FGGY: variants seen among roughly 807,000 people sequenced by gnomAD.
FGGY encodes the protein FGGY carbohydrate kinase domain-containing protein.
Under a neutral mutation model 71.3 loss-of-function variants are expected in FGGY, and 72 were observed. That is an observed-to-expected ratio of 1.01 (90% CI 0.84 to 1.23). FGGY has a LOEUF of 1.23. Among genes scored for constraint, FGGY ranks in the 50% most tolerant of loss-of-function variants. The probability of loss-of-function intolerance (pLI) is 0.00; values close to 1 mark genes in which losing one functional copy is unlikely to be tolerated. For missense variants in FGGY, 668 were observed against 682.3 expected, an observed-to-expected ratio of 0.98 and a Z score of 0.23; for synonymous variants, 251 against 250.3, an observed-to-expected ratio of 1.00 and a Z score of -0.02.
At chr1:59,379,144 G>A (rs2059051552) in intron 5 of FGGY, among the ~76,000 whole-genome samples, 1 of 105,914 alleles carries the variant, frequency 9.4e-6, no homozygotes, top group Non-Finnish European at 2.0e-5. Context: ...TTTACATGAT[G>A]AATAAAAGGA....
At chr1:59,374,450 T>C (rs540934955) in intron 4 of FGGY, among the ~76,000 whole-genome samples, 22 of 152,298 alleles carry the variant, frequency 1.4e-4, no homozygotes, top group Middle Eastern at 3.4e-3. Flanking sequence ...TTTTACACTG[T>C]TGTTGGGACT....
Position 59,346,051 on chromosome 1 carries a change from A to G in FGGY, c.314-196A>G, listed in dbSNP as rs141420297. 2.0e-5 allele frequency among the ~76,000 whole-genome samples: 3 copies of G among 152,210 alleles called. No homozygotes were observed. The East Asian group carries it at 5.8e-4, about 29-fold the overall frequency. On this transcript the variant is annotated intron_variant, in intron 3 of 15. Transcript: ENST00000303721. ...TTCTAAGGTCATGGTCAGAGAACAC[A>G]TGACTGGACGGGAAATTCCAGGCCT...
At chr1:59,323,770 T>C (rs1266438728) in intron 2 of FGGY, among the ~76,000 whole-genome samples, 2 of 152,212 alleles carry the variant, frequency 1.3e-5, no homozygotes, top group Non-Finnish European at 2.9e-5. Flanking sequence ...ATTAAATGAA[T>C]TAATGCACAT....
chr1:59,668,410 A>G (rs1434377222), intron 13 of FGGY, among the ~76,000 whole-genome samples: 1 of 152,154 alleles, frequency 6.6e-6, no homozygotes, highest in Non-Finnish European at 1.5e-5. Flanking sequence ...TCCCAACTCC[A>G]GCCTGATAAG....
chr1:59,659,980 A>G (rs1183158450), intron 11 of FGGY, among the ~76,000 whole-genome samples: 1 of 152,140 alleles, frequency 6.6e-6, no homozygotes, highest in Non-Finnish European at 1.5e-5. Flanking sequence ...TTCCTGTGGT[A>G]TTTGTTTTGT....
chr1:59,375,434 A>G lies in FGGY; in HGVS notation c.466-3315A>G, dbSNP rs1314491403. Among the ~76,000 whole-genome samples, 56 of 152,178 alleles carry G rather than the reference A, an allele frequency of 3.7e-4. 1 individual carries two copies. The highest frequency in any genetic ancestry group is 8.8e-5 in the Non-Finnish European group (6 of 68,040). On this transcript the variant is annotated intron_variant, in intron 4 of 15. Transcript: ENST00000303721. The stretch of plus-strand genomic sequence containing the variant: ...CAGACTTTTCTTTTGTAGAGAAAGC[A>G]GGGAATATTGCTATCTTCCCTTCTG...
intron 5 of FGGY, among the ~76,000 whole-genome samples, chr1:59,438,567 G>A (rs17119452): frequency 0.012 from 1,815 of 152,268 alleles, 55 homozygotes; most frequent in African/African-American, 0.041. Flanking sequence ...CTTGTTAGCT[G>A]TTCTTCCACC....
chr1:59,703,497 C>A (rs1428601906), intron 14 of FGGY, among the ~76,000 whole-genome samples: 1 of 152,214 alleles, frequency 6.6e-6, no homozygotes, highest in Non-Finnish European at 1.5e-5. Context: ...ACTCCAAATC[C>A]AGTGTTCTTT....
At chr1:59,332,804 C>T (rs1381544417) in intron 2 of FGGY, among the ~76,000 whole-genome samples, 1 of 152,160 alleles carries the variant, frequency 6.6e-6, no homozygotes, top group Non-Finnish European at 1.5e-5. Flanking sequence ...TGAGTCTATC[C>T]AATTTTTTCT....
intron 2 of FGGY, among the ~76,000 whole-genome samples, chr1:59,336,400 A>G (rs974539888): frequency 6.6e-5 from 10 of 152,104 alleles, no homozygotes; most frequent in African/African-American, 1.9e-4. Context: ...GTCAGATAGC[A>G]TATATTTTCC....
chr1:59,736,082 AG>A (rs1453233228), intron 14 of FGGY, among the ~76,000 whole-genome samples: 1 of 152,146 alleles, frequency 6.6e-6, no homozygotes, highest in Non-Finnish European at 1.5e-5. Context: ...CAGTATTATA[AG>A]GGGGAATTTC....
intron 14 of FGGY, among the ~76,000 whole-genome samples, chr1:59,721,141 G>A (rs2097888730): frequency 6.6e-6 from 1 of 151,870 alleles, no homozygotes; most frequent in African/African-American, 2.4e-5. Context: ...ACCATTCTCT[G>A]TCCCCCTTGC....
chr1:59,515,668 C>T (rs994271193), intron 7 of FGGY, among the ~76,000 whole-genome samples: 6 of 152,182 alleles, frequency 3.9e-5, no homozygotes, highest in South Asian at 2.1e-4. Context: ...TAGTAAGTCT[C>T]ACAAGATCTG....
chr1:59,349,321 TG>T (rs2052769884), intron 4 of FGGY, among the ~76,000 whole-genome samples: 1 of 152,200 alleles, frequency 6.6e-6, no homozygotes, highest in African/African-American at 2.4e-5. Context: ...TCAACAAGTT[TG>T]GATTGGATAT....
intron 5 of FGGY, among the ~76,000 whole-genome samples, chr1:59,384,560 C>G (rs74373277): frequency 6.6e-6 from 1 of 152,108 alleles, no homozygotes; most frequent in Admixed American, 6.6e-5. Flanking sequence ...AAGGTATTAG[C>G]GATTTCATTT....
intron 7 of FGGY, among the ~76,000 whole-genome samples, chr1:59,522,844 C>T (rs1328843020): frequency 6.6e-6 from 1 of 152,132 alleles, no homozygotes; most frequent in Non-Finnish European, 1.5e-5. Context: ...AGCTTTAGTG[C>T]AACCCTTGCA....
At chr1:59,696,063 A>G (rs2097655572) in intron 14 of FGGY, among the ~76,000 whole-genome samples, 1 of 152,206 alleles carries the variant, frequency 6.6e-6, no homozygotes, top group Non-Finnish European at 1.5e-5. Flanking sequence ...TCTAGAACAT[A>G]TTCCTTCTAA....
chr1:59,461,111 AC>A (rs1032480027), intron 6 of FGGY, among the ~76,000 whole-genome samples: 16 of 152,138 alleles, frequency 1.1e-4, no homozygotes, highest in Admixed American at 5.9e-4. Flanking sequence ...GTCGGTAATA[AC>A]AAACTTCTCC....
intron 7 of FGGY, among the ~76,000 whole-genome samples, chr1:59,536,873 A>C (rs184349271): frequency 6.6e-6 from 1 of 152,124 alleles, no homozygotes; most frequent in East Asian, 1.9e-4. Context: ...ATTTATGACA[A>C]ACCCACAGCC....
Sources: gnomAD v4.1 joint callset for allele counts (sites outside exome capture counted in the v4.1 genomes callset) on GRCh38, gnomAD v4.1.1 for gene constraint, MANE v1.5 for transcripts, NCBI Gene and HGNC (gene_info 2026-07-23, HGNC 2026-07-21) for gene names.